The following RAD23B variants were observed in gnomAD, a reference collection of about 807,000 sequenced individuals.
The protein encoded by RAD23B is RAD23 nucleotide excision repair protein B, also known as lysine-specific demethylase RAD23B.
Under a neutral mutation model 49.1 loss-of-function variants are expected in RAD23B, and 5 were observed. The ratio of observed to expected loss-of-function variants is 0.10; its 90% confidence interval spans 0.05 to 0.21. The LOEUF (loss-of-function observed/expected upper bound fraction) is 0.21. Among genes scored for constraint, RAD23B ranks in the 10% least tolerant of loss-of-function variants. The pLI, the probability that RAD23B is intolerant of heterozygous loss-of-function variation, is 1.00. For missense variants in RAD23B, 356 were observed against 486.7 expected (o/e 0.73, Z 2.53); for synonymous variants, 184 against 165.4 (o/e 1.11, Z -0.86).
chr9:107,291,435 G>A (rs1346821139), intron 1 of RAD23B, among the ~76,000 whole-genome samples: 3 of 152,260 alleles, frequency 2.0e-5, no homozygotes, highest in East Asian at 1.9e-4. Flanking sequence ...TAAAATAATA[G>A]CCTTTTGGAT....
At chr9:107,293,813 T>C (rs569381647) in intron 1 of RAD23B, among the ~76,000 whole-genome samples, 53 of 152,358 alleles carry the variant, frequency 3.5e-4, no homozygotes, top group African/African-American at 1.2e-3. Flanking sequence ...AGACAGAGTC[T>C]TGCTCTGTTG....
At chr9:107,303,757 C>G (rs1304211012) in intron 3 of RAD23B, among the ~76,000 whole-genome samples, 1 of 152,118 alleles carries the variant, frequency 6.6e-6, no homozygotes, top group African/African-American at 2.4e-5. Context: ...ATTTTCCTAT[C>G]TAGTTTTAGC....
At chr9:107,302,636 G>A (rs1186674277) in intron 3 of RAD23B, among the ~76,000 whole-genome samples, 1 of 65,802 alleles carries the variant, frequency 1.5e-5, no homozygotes, top group African/African-American at 1.4e-4. Context: ...ATTTTTATGA[G>A]GAAGTTTTTT....
intron 1 of RAD23B, among the ~76,000 whole-genome samples, chr9:107,287,149 G>A (rs1413285040): frequency 6.6e-6 from 1 of 151,918 alleles, no homozygotes; most frequent in African/African-American, 2.4e-5. Flanking sequence ...CAGTTTTTAA[G>A]CTCAGTTTTA....
rs750668004 is a variant in RAD23B at position 107,283,619 on chromosome 9, G to T, written c.-11G>T. On this transcript the variant is annotated 5_prime_UTR_variant, in exon 1 of 10. Transcript: ENST00000358015. ...GGCGCAGGCCCGGCAGCCGAGCTGC[G>T]CGGCGGCACCATGCAGGTCACCCTG... 34 of 1,473,498 alleles carry T rather than the reference G, an allele frequency of 2.3e-5. No individual in the cohort carries two copies. The African/African-American group carries it at 4.6e-4, about 20-fold the overall frequency. The allele number at this position is 1,473,498 out of a possible 1,614,324, so 91.3% of individuals were successfully genotyped here.
Position 107,318,828 on chromosome 9 carries a change from C to T in RAD23B, c.630C>T (p.Ala210=), listed in dbSNP as rs1433347813. 2.5e-6 allele frequency: 4 copies of T among 1,613,374 alleles called. No homozygotes were observed. Among genetic ancestry groups the T allele is most frequent in the Middle Eastern group, 1.6e-4 (1 of 6,080 alleles). The change falls in exon 6 of 10, where the codon GCC becomes GCT. Residue 210 remains alanine, a synonymous_variant. Transcript: ENST00000358015. The surrounding 1 kb of genome is among the most constrained non-coding windows in gnomAD (Gnocchi z 4.3). ...MGYEREQVIA[A]LRASFNNPDR... is the part of the protein sequence containing the mutation. ...ATGAACGAGAGCAAGTAATTGCAGC[C>T]CTGAGAGCCAGTTTCAACAACCCTG...
chr9:107,316,247 G>C (rs985718265), intron 5 of RAD23B, among the ~76,000 whole-genome samples: 1 of 152,094 alleles, frequency 6.6e-6, no homozygotes, highest in African/African-American at 2.4e-5. Context: ...TCCTGATCTC[G>C]TGATCTGCCC....
intron 1 of RAD23B, among the ~76,000 whole-genome samples, chr9:107,286,994 G>C (rs1441270701): frequency 1.3e-5 from 2 of 151,016 alleles, no homozygotes; most frequent in Non-Finnish European, 2.9e-5. Flanking sequence ...AGAATCGCTT[G>C]AACCCAGGAG....
intron 5 of RAD23B, among the ~76,000 whole-genome samples, chr9:107,315,758 C>T (rs2133089035): frequency 6.6e-6 from 1 of 152,190 alleles, no homozygotes; most frequent in South Asian, 2.1e-4. Flanking sequence ...AGGTGATCCG[C>T]CTGCCTCGGC....
At chr9:107,283,941 A>G in intron 1 of RAD23B, 1 of 1,086,832 alleles carries the variant, frequency 9.2e-7, no homozygotes, top group Non-Finnish European at 1.1e-6. Context: ...GATGGCGTGG[A>G]GCGCACGCCC....
chr9:107,329,162 C>T (rs1283604032), intron 9 of RAD23B, among the ~76,000 whole-genome samples: 1 of 152,190 alleles, frequency 6.6e-6, no homozygotes, highest in Non-Finnish European at 1.5e-5. Flanking sequence ...CTTATCTTCA[C>T]TCTTAATATA....
At chr9:107,287,845 A>C (rs963456150) in intron 1 of RAD23B, among the ~76,000 whole-genome samples, 1 of 151,686 alleles carries the variant, frequency 6.6e-6, no homozygotes, top group South Asian at 2.1e-4. Context: ...AAAAAAAAAA[A>C]AAAAACAAAA....
rs1440062827 is a variant in RAD23B at position 107,311,744 on chromosome 9, A to G, written c.553+7A>G. Reference sequence around the variant, plus strand: ...GATGCAACGAGTGCACTTGGTAAGTATCTGCTTTTCCTTATAAATAACCTA... The same window carrying G: ...GATGCAACGAGTGCACTTGGTAAGTGTCTGCTTTTCCTTATAAATAACCTA... On this transcript the variant is annotated splice_region_variant and intron_variant, in intron 5 of 9. Transcript: ENST00000358015. The G allele has an allele frequency of 8.3e-6, 13 of 1,566,420 alleles. No individual in the cohort carries two copies. The highest frequency in any genetic ancestry group is 1.1e-5 in the Non-Finnish European group (13 of 1,163,318).
intron 4 of RAD23B, among the ~76,000 whole-genome samples, 173 bp downstream of exon 4, chr9:107,306,820 A>C (rs555287675): frequency 6.6e-6 from 1 of 152,332 alleles, no homozygotes; most frequent in South Asian, 2.1e-4. Flanking sequence ...ACTAAGGAGA[A>C]TATAAGTACA....
At chr9:107,313,880 CTCCTCTG>C (rs138118954) in intron 5 of RAD23B, among the ~76,000 whole-genome samples, 3,270 of 152,078 alleles carry the variant, frequency 0.022, 116 homozygotes, top group African/African-American at 0.073. Flanking sequence ...TTTCTCCTCT[CTCCTCTG>C]TCCTCTCTCC....
At chr9:107,313,383 G>T (rs544280674) in intron 5 of RAD23B, among the ~76,000 whole-genome samples, 1 of 151,962 alleles carries the variant, frequency 6.6e-6, no homozygotes, top group Non-Finnish European at 1.5e-5. Context: ...GTGCCACCAC[G>T]CCCGACTAAT....
At chr9:107,298,193 T>A (rs1289178984) in intron 1 of RAD23B, among the ~76,000 whole-genome samples, 1 of 152,234 alleles carries the variant, frequency 6.6e-6, no homozygotes, top group Admixed American at 6.5e-5. Flanking sequence ...TTGGTTGACT[T>A]GGCAAGTCTC....
intron 5 of RAD23B, among the ~76,000 whole-genome samples, chr9:107,316,006 C>G (rs1826985511): frequency 6.6e-6 from 1 of 151,236 alleles, no homozygotes; most frequent in Non-Finnish European, 1.5e-5. Context: ...TGACTTAATA[C>G]TTTTACGAAT....
chr9:107,294,377 G>A (rs146770426), intron 1 of RAD23B, among the ~76,000 whole-genome samples: 26 of 152,276 alleles, frequency 1.7e-4, no homozygotes, highest in Middle Eastern at 3.4e-3. Flanking sequence ...CACAATGAAA[G>A]TTCTAGCCTT....
Sources: gnomAD v4.1 joint callset for allele counts (sites outside exome capture counted in the v4.1 genomes callset) on GRCh38, gnomAD v4.1.1 for gene constraint, Gnocchi (gnomAD v3.1) non-coding constraint, MANE v1.5 for transcripts, NCBI Gene and HGNC (gene_info 2026-07-23, HGNC 2026-07-21) for gene names.